KSR2: variants seen among roughly 807,000 people sequenced by gnomAD.
The protein encoded by KSR2 is kinase suppressor of ras 2.
In KSR2, 25 loss-of-function variants were observed where a neutral mutation model predicts 107.8. The observed-to-expected ratio is 0.23, with a 90% CI of 0.17 to 0.32. KSR2 has a LOEUF of 0.32. Ranked by LOEUF, KSR2 falls within the 10% of genes least tolerant of loss-of-function variation. The probability of loss-of-function intolerance (pLI) is 1.00; values close to 1 mark genes in which losing one functional copy is unlikely to be tolerated. For synonymous variants in KSR2, 480 were observed against 507.0 expected, an observed-to-expected ratio of 0.95 and a Z score of 0.71; for missense variants, 887 against 1,268.9, an observed-to-expected ratio of 0.70 and a Z score of 4.57.
intron 8 of KSR2, among the ~76,000 whole-genome samples, chr12:117,558,294 C>T (rs1343986806): frequency 6.6e-6 from 1 of 151,966 alleles, no homozygotes; most frequent in African/African-American, 2.4e-5. Context: ...TCAGAGGGAC[C>T]AGTAGAGGGG....
chr12:117,595,014 A>G (rs2136277618), intron 5 of KSR2, among the ~76,000 whole-genome samples: 1 of 152,340 alleles, frequency 6.6e-6, no homozygotes, highest in Non-Finnish European at 1.5e-5. Context: ...ATCGCCTGAT[A>G]CAATCCATTA....
intron 5 of KSR2, among the ~76,000 whole-genome samples, chr12:117,590,208 T>G (rs1479405890): frequency 6.6e-6 from 1 of 152,258 alleles, no homozygotes; most frequent in African/African-American, 2.4e-5. Flanking sequence ...TCAATGCAAT[T>G]CATGCATGTG....
intron 4 of KSR2, among the ~76,000 whole-genome samples, chr12:117,751,057 C>T (rs149400711): frequency 4.8e-4 from 73 of 152,248 alleles, no homozygotes; most frequent in African/African-American, 1.6e-3. Flanking sequence ...CCTCACATGT[C>T]GTGGGATGGA....
intron 7 of KSR2, among the ~76,000 whole-genome samples, chr12:117,568,206 T>C (rs1878653580): frequency 6.6e-6 from 1 of 152,130 alleles, no homozygotes; most frequent in Non-Finnish European, 1.5e-5. Context: ...TCGCCTTCCC[T>C]GAAAAAGAAG....
chr12:117,943,690 T>C (rs989783412), intron 1 of KSR2, among the ~76,000 whole-genome samples: 1 of 152,122 alleles, frequency 6.6e-6, no homozygotes, highest in Non-Finnish European at 1.5e-5. Context: ...GACATTATGT[T>C]AAGTGAAAGA....
intron 1 of KSR2, among the ~76,000 whole-genome samples, chr12:117,931,202 C>T (rs575496197): frequency 2.3e-4 from 35 of 152,180 alleles, no homozygotes; most frequent in African/African-American, 7.7e-4. Flanking sequence ...TAAAGGATCT[C>T]AACCAAAAAG....
intron 3 of KSR2, among the ~76,000 whole-genome samples, chr12:117,805,926 G>A (rs1301982980): frequency 6.6e-6 from 1 of 152,154 alleles, no homozygotes; most frequent in Non-Finnish European, 1.5e-5. Context: ...AGGTTGCAGT[G>A]AGCCAAGATT....
chr12:117,823,940 G>A (rs1052595618), intron 3 of KSR2, among the ~76,000 whole-genome samples: 2 of 152,176 alleles, frequency 1.3e-5, no homozygotes, highest in South Asian at 4.1e-4. Flanking sequence ...TCAAAGGGCT[G>A]CCTGCAACCC....
chr12:117,664,328 C>T (rs922810971), intron 5 of KSR2, among the ~76,000 whole-genome samples: 9 of 152,278 alleles, frequency 5.9e-5, no homozygotes, highest in East Asian at 1.9e-4. Flanking sequence ...AACAAGATGA[C>T]GTGTCACCAC....
intron 4 of KSR2, among the ~76,000 whole-genome samples, chr12:117,732,110 AC>A (rs763029097): frequency 2.0e-5 from 3 of 151,590 alleles, no homozygotes; most frequent in South Asian, 2.1e-4. Flanking sequence ...TTCTCTCTCT[AC>A]CCCCAGGTGC....
chr12:117,845,469 G>A (rs796429103), intron 3 of KSR2, among the ~76,000 whole-genome samples: 44 of 152,198 alleles, frequency 2.9e-4, no homozygotes, highest in African/African-American at 1.0e-3. Flanking sequence ...AGAGAGGCTC[G>A]CTGTCAGTTT....
intron 5 of KSR2, among the ~76,000 whole-genome samples, chr12:117,654,197 A>G (rs1348417515): frequency 1.3e-5 from 2 of 152,208 alleles, no homozygotes; most frequent in Non-Finnish European, 2.9e-5. Context: ...TTTCTGACCC[A>G]TGTAGCCATA....
At chr12:117,606,527 T>TC (rs1384363533) in intron 5 of KSR2, among the ~76,000 whole-genome samples, 1 of 96,850 alleles carries the variant, frequency 1.0e-5, no homozygotes, top group African/African-American at 4.1e-5. Flanking sequence ...CTCCCCTCCT[T>TC]CCTTCCTGCC....
In KSR2 at chr12:117,760,993, C is replaced by T; in HGVS notation, c.986+18G>A. The T allele has an allele frequency of 1.2e-6, 2 of 1,612,648 alleles. No individual in the cohort carries two copies. Among genetic ancestry groups the T allele is most frequent in the Non-Finnish European group, 1.7e-6 (2 of 1,179,550 alleles). ...GCCGGGTTTCGACCGCCCCAGGGCACCCACCGATCGCACTCACTTGGGCGT... is the reference window on the plus strand; with the variant it reads ...GCCGGGTTTCGACCGCCCCAGGGCATCCACCGATCGCACTCACTTGGGCGT... On this transcript the variant is annotated intron_variant, in intron 4 of 19. Coordinates refer to ENST00000339824, the MANE Select transcript of KSR2 (RefSeq NM_173598.6).
intron 7 of KSR2, 101 bp downstream of exon 7, chr12:117,579,018 A>G (rs533815745): frequency 1.2e-6 from 1 of 837,652 alleles, no homozygotes; most frequent in African/African-American, 1.7e-5. Flanking sequence ...CAACTCTCCC[A>G]AGAGTGAAGA....
chr12:117,454,740 A>G lies in KSR2; in HGVS notation c.*12459T>C, dbSNP rs1870512268. 1 of 152,286 alleles carries G rather than the reference A, an allele frequency of 6.6e-6. No homozygotes were observed. The highest frequency in any genetic ancestry group is 1.5e-5 in the Non-Finnish European group (1 of 68,080). The allele number at this position is 152,286 out of a possible 1,614,324, so 9.4% of individuals were successfully genotyped here. On this transcript the variant is annotated 3_prime_UTR_variant, in exon 20 of 20. Coordinates refer to ENST00000339824, the MANE Select transcript of KSR2 (RefSeq NM_173598.6). ...TTCAGGGGCCTATTCATAGAGTGAT[A>G]TGAACTGTCCCAGAAAGAGGTTTTT...
At chr12:117,610,567 G>A (rs1881534552) in intron 5 of KSR2, among the ~76,000 whole-genome samples, 2 of 151,906 alleles carry the variant, frequency 1.3e-5, no homozygotes, top group African/African-American at 2.4e-5. Flanking sequence ...GGGCAACATG[G>A]TGATATCTCG....
intron 4 of KSR2, among the ~76,000 whole-genome samples, chr12:117,711,534 C>A (rs76320116): frequency 0.01 from 1,585 of 152,288 alleles, 26 homozygotes; most frequent in African/African-American, 0.036. Context: ...TGGACACACC[C>A]AAGGTAGATG....
chr12:117,757,611 T>C (rs1565998028), intron 4 of KSR2, among the ~76,000 whole-genome samples: 4 of 152,228 alleles, frequency 2.6e-5, no homozygotes, highest in Non-Finnish European at 2.9e-5. Flanking sequence ...ATTGTCACAA[T>C]CAGCCCAACT....
Sources: gnomAD v4.1 joint callset for allele counts (sites outside exome capture counted in the v4.1 genomes callset) on GRCh38, gnomAD v4.1.1 for gene constraint, MANE v1.5 for transcripts, NCBI Gene and HGNC (gene_info 2026-07-23, HGNC 2026-07-21) for gene names.